The following SLIT2 variants were observed in gnomAD, a reference collection of about 807,000 sequenced individuals.
SLIT2 encodes slit guidance ligand 2, also known as slit homolog 2 protein.
Under a neutral mutation model 185.7 loss-of-function variants are expected in SLIT2, and 41 were observed. That is an observed-to-expected ratio of 0.22 (90% CI 0.17 to 0.29). SLIT2 has a LOEUF of 0.29. Ranked by LOEUF, SLIT2 falls within the 10% of genes least tolerant of loss-of-function variation. The pLI is 1.00. For synonymous variants in SLIT2, 693 were observed against 680.2 expected (o/e 1.02, Z -0.29); for missense variants, 1,571 against 1,909.0 (o/e 0.82, Z 3.30).
chr4:20,323,051 T>C (rs778808235), intron 4 of SLIT2, among the ~76,000 whole-genome samples: 35 of 152,188 alleles, frequency 2.3e-4, no homozygotes, highest in Non-Finnish European at 4.4e-4. Context: ...ATTATCTCCA[T>C]TTTGCAGACA....
intron 4 of SLIT2, among the ~76,000 whole-genome samples, chr4:20,413,086 A>G (rs902201574): frequency 6.6e-6 from 1 of 152,126 alleles, no homozygotes; most frequent in Non-Finnish European, 1.5e-5. Context: ...AATGGTAAAT[A>G]TCCTGATTCA....
intron 21 of SLIT2, among the ~76,000 whole-genome samples, chr4:20,544,429 A>ATACCCTGT: frequency 6.6e-6 from 1 of 152,156 alleles, no homozygotes; most frequent in Admixed American, 6.6e-5. Context: ...TGCTATCTAC[A>ATACCCTGT]GCATATTTCA....
At chr4:20,518,555 A>ATGTATG (rs1553916589) in intron 11 of SLIT2, among the ~76,000 whole-genome samples, 2 of 23,276 alleles carry the variant, frequency 8.6e-5, no homozygotes, top group African/African-American at 2.4e-4. Context: ...CCCAGCCTAT[A>ATGTATG]TGTATATATA....
At chr4:20,464,437 C>A (rs1714118006) in intron 4 of SLIT2, among the ~76,000 whole-genome samples, 1 of 152,150 alleles carries the variant, frequency 6.6e-6, no homozygotes, top group South Asian at 2.1e-4. Flanking sequence ...CAACTCCAAT[C>A]AAGCCATTTT....
At position 20,472,295 on chromosome 4, in the gene SLIT2, G is replaced by GATCTATATAGATATATATCT. The variant is rs1715223364; in HGVS notation, c.467+4474_467+4475insCTATATAGATATATATCTAT. Among the ~76,000 whole-genome samples, 8 of 25,884 alleles carry GATCTATATAGATATATATCT rather than the reference G, an allele frequency of 3.1e-4. 1 individual carries two copies. The highest frequency in any genetic ancestry group is 4.0e-4 in the Non-Finnish European group (7 of 17,554). The allele number at this position is 25,884 out of a possible 152,430, so 17.0% of individuals were successfully genotyped here. ...ATATATCTATATATATAGATATATAGATATATAGATCTATATATAGATATA... is the reference window on the plus strand; with the variant it reads ...ATATATCTATATATATAGATATATAGATCTATATAGATATATATCTATATATAGATCTATATATAGATATA... On this transcript the variant is annotated intron_variant, in intron 5 of 36. Transcript: ENST00000504154.
At chr4:20,336,699 A>G (rs1720531226) in intron 4 of SLIT2, among the ~76,000 whole-genome samples, 1 of 152,178 alleles carries the variant, frequency 6.6e-6, no homozygotes, top group African/African-American at 2.4e-5. Context: ...AAAAGAAAAA[A>G]AACTGAAATA....
chr4:20,252,821 T>C lies in SLIT2; in HGVS notation c.-995T>C, dbSNP rs1722146397. On this transcript the variant is annotated 5_prime_UTR_variant, in exon 1 of 37. Transcript: ENST00000504154. ...CAGCAGGACGCTGACACCTCCAACC[T>C]TGGCCTTTGCCTTTCCACTCCTTCC... Among the ~76,000 whole-genome samples the C allele has an allele frequency of 6.6e-6, 1 of 152,014 alleles. No individual in the cohort carries two copies. Among genetic ancestry groups the C allele is most frequent in the African/African-American group, 2.4e-5 (1 of 41,390 alleles).
chr4:20,425,804 A>G (rs967694589), intron 4 of SLIT2, among the ~76,000 whole-genome samples: 2 of 152,174 alleles, frequency 1.3e-5, no homozygotes, highest in African/African-American at 4.8e-5. Context: ...CTGAAAACTT[A>G]AAGTAGTAAA....
chr4:20,422,427 A>G (rs994384493), intron 4 of SLIT2, among the ~76,000 whole-genome samples: 4 of 152,178 alleles, frequency 2.6e-5, no homozygotes, highest in Admixed American at 2.6e-4. Flanking sequence ...TCAGTTTCAT[A>G]CACAAGAATA....
chr4:20,469,325 C>T (rs1340090735), intron 5 of SLIT2, among the ~76,000 whole-genome samples: 2 of 152,114 alleles, frequency 1.3e-5, no homozygotes, highest in African/African-American at 4.8e-5. Context: ...TTCCTTAAAA[C>T]AGGTGGCTTT....
intron 33 of SLIT2, among the ~76,000 whole-genome samples, chr4:20,602,869 G>A (rs554724131): frequency 3.3e-5 from 5 of 151,768 alleles, no homozygotes; most frequent in South Asian, 4.2e-4. Flanking sequence ...TTTTTTAACA[G>A]TACCAGTTGT....
chr4:20,362,588 T>C (rs1458150755), intron 4 of SLIT2, among the ~76,000 whole-genome samples: 1 of 151,804 alleles, frequency 6.6e-6, no homozygotes, highest in Non-Finnish European at 1.5e-5. Context: ...TGTTTAATTA[T>C]ATAAATTTTT....
At chr4:20,432,330 G>A (rs1040967157) in intron 4 of SLIT2, among the ~76,000 whole-genome samples, 14 of 152,166 alleles carry the variant, frequency 9.2e-5, no homozygotes, top group Non-Finnish European at 1.9e-4. Context: ...GCGTTACGAA[G>A]GGATTTGAAC....
rs759282159 is a variant in SLIT2 at position 20,568,910 on chromosome 4, C to A, written c.2994C>A (p.Asn998Lys). 6 of 1,611,994 alleles carry A rather than the reference C, an allele frequency of 3.7e-6. No homozygotes were observed. The highest frequency in any genetic ancestry group is 2.2e-5 in the South Asian group (2 of 91,010). Residue 998 changes from asparagine to lysine, a missense_variant, in exon 29 of 37, where the codon AAC becomes AAA. This residue lies in a region of SLIT2 where 1,202 missense variants were observed against 1,416.4 expected (regional missense o/e 0.85). Transcript: ENST00000504154. ...TTGAAGGAGAAAATTGTGAAGTCAA[C>A]GTTGATGATTGTGAAGATAATGACT... ...DGFEGENCEV[N>K]VDDCEDNDCE...
chr4:20,592,719 T>C (rs1727607635), intron 30 of SLIT2, among the ~76,000 whole-genome samples: 1 of 152,172 alleles, frequency 6.6e-6, no homozygotes, highest in South Asian at 2.1e-4. Flanking sequence ...TCAACAGCTC[T>C]GCTCACATTA....
chr4:20,561,338 A>G (rs140201148), intron 26 of SLIT2, among the ~76,000 whole-genome samples: 92 of 151,968 alleles, frequency 6.1e-4, no homozygotes, highest in African/African-American at 2.1e-3. Flanking sequence ...AGATTCTGGA[A>G]TTCCTGTGAA....
At chr4:20,480,418 G>A (rs924058335) in intron 5 of SLIT2, among the ~76,000 whole-genome samples, 1 of 152,106 alleles carries the variant, frequency 6.6e-6, no homozygotes, top group Non-Finnish European at 1.5e-5. Context: ...AGCTCTTAAT[G>A]GATAGCTTTT....
At chr4:20,506,203 A>G (rs941957037) in intron 9 of SLIT2, among the ~76,000 whole-genome samples, 1 of 152,006 alleles carries the variant, frequency 6.6e-6, no homozygotes, top group Non-Finnish European at 1.5e-5. Flanking sequence ...TTCTTGTAGT[A>G]TGTGATTTAC....
intron 22 of SLIT2, 73 bp downstream of exon 22, chr4:20,546,172 T>G (rs987475795): frequency 7.9e-6 from 6 of 761,654 alleles, no homozygotes; most frequent in Non-Finnish European, 1.1e-5. Flanking sequence ...GACAGAAGAT[T>G]TAGTGAACCT....
Sources: gnomAD v4.1 joint callset for allele counts (sites outside exome capture counted in the v4.1 genomes callset) on GRCh38, gnomAD v4.1.1 for gene constraint, gnomAD v4.1.1 regional missense constraint, MANE v1.5 for transcripts, NCBI Gene and HGNC (gene_info 2026-07-23, HGNC 2026-07-21) for gene names.